Variants in PTPRD observed in about 807,000 individuals in gnomAD.
The protein encoded by PTPRD is protein tyrosine phosphatase receptor type D.
PTPRD carries 34 observed loss-of-function variants against 214.5 expected under a neutral mutation model. The observed-to-expected ratio is 0.16, with a 90% CI of 0.12 to 0.21. The LOEUF is 0.21. Ranked by LOEUF, PTPRD falls within the 10% of genes least tolerant of loss-of-function variation. The probability of loss-of-function intolerance (pLI) is 1.00; values close to 1 mark genes in which losing one functional copy is unlikely to be tolerated. For synonymous variants in PTPRD, 1,128 were observed against 845.7 expected, an observed-to-expected ratio of 1.33 and a Z score of -5.79; for missense variants, 2,545 against 2,398.7, an observed-to-expected ratio of 1.06 and a Z score of -1.27.
intron 7 of PTPRD, among the ~76,000 whole-genome samples, chr9:9,703,585 A>G (rs903289182): frequency 1.2e-4 from 19 of 152,136 alleles, no homozygotes; most frequent in African/African-American, 4.6e-4. Context: ...AGAAACATTG[A>G]TGCATAGCAT....
At chr9:10,350,814 C>A (rs1316840678) in intron 2 of PTPRD, among the ~76,000 whole-genome samples, 1 of 152,122 alleles carries the variant, frequency 6.6e-6, no homozygotes, top group Admixed American at 6.5e-5. Flanking sequence ...AGAATGTGCT[C>A]ACCAAATATT....
chr9:10,523,948 G>A (rs1264150408), intron 2 of PTPRD, among the ~76,000 whole-genome samples: 1 of 151,830 alleles, frequency 6.6e-6, no homozygotes, highest in Non-Finnish European at 1.5e-5. Context: ...TTAAACAACC[G>A]AAATATATTT....
At chr9:10,099,181 G>A (rs1303006992) in intron 3 of PTPRD, among the ~76,000 whole-genome samples, 2 of 151,694 alleles carry the variant, frequency 1.3e-5, no homozygotes, top group Admixed American at 6.6e-5. Context: ...CAGCATAAGT[G>A]TACTTATTAA....
intron 7 of PTPRD, among the ~76,000 whole-genome samples, chr9:9,624,184 T>C (rs1039934131): frequency 1.3e-5 from 2 of 152,204 alleles, no homozygotes; most frequent in African/African-American, 4.8e-5. Flanking sequence ...TACATTGTAT[T>C]ATTTTTTTTA....
intron 5 of PTPRD, among the ~76,000 whole-genome samples, chr9:9,808,541 T>C (rs1416645422): frequency 2.0e-5 from 3 of 152,178 alleles, no homozygotes. Context: ...AGAGAGAGAC[T>C]GCCTGGGAGA....
At chr9:9,182,533 A>G (rs558200077) in intron 10 of PTPRD, among the ~76,000 whole-genome samples, 1 of 152,084 alleles carries the variant, frequency 6.6e-6, no homozygotes, top group Non-Finnish European at 1.5e-5. Context: ...CAACAGATCA[A>G]ATATCTCAGA....
chr9:10,400,797 C>T (rs1047049439), intron 2 of PTPRD, among the ~76,000 whole-genome samples: 3 of 151,518 alleles, frequency 2.0e-5, no homozygotes, highest in African/African-American at 7.3e-5. Context: ...TATTGTCCCT[C>T]ATAACCAATG....
intron 10 of PTPRD, among the ~76,000 whole-genome samples, chr9:9,136,669 T>C (rs1462867603): frequency 1.3e-5 from 2 of 152,208 alleles, no homozygotes; most frequent in Non-Finnish European, 2.9e-5. Flanking sequence ...TTCCATGTAG[T>C]AGTTTAAGAT....
intron 10 of PTPRD, among the ~76,000 whole-genome samples, chr9:9,094,036 A>G (rs2099780010): frequency 6.6e-6 from 1 of 152,184 alleles, no homozygotes; most frequent in Non-Finnish European, 1.5e-5. Context: ...CAACTTTATT[A>G]ACATACATAA....
At chr9:9,056,643 G>A (rs181467578) in intron 10 of PTPRD, among the ~76,000 whole-genome samples, 3 of 152,240 alleles carry the variant, frequency 2.0e-5, no homozygotes, top group East Asian at 1.9e-4. Context: ...TTTCTTACTG[G>A]GCAGTAATGG....
intron 3 of PTPRD, among the ~76,000 whole-genome samples, chr9:10,278,996 G>A (rs574107951): frequency 9.1e-4 from 138 of 152,122 alleles, no homozygotes; most frequent in Middle Eastern, 3.4e-3. Flanking sequence ...GGATGATCTC[G>A]ATCTCCTGGC....
intron 9 of PTPRD, among the ~76,000 whole-genome samples, chr9:9,334,626 C>G (rs372610105): frequency 2.0e-4 from 31 of 151,868 alleles, no homozygotes; most frequent in African/African-American, 6.5e-4. Flanking sequence ...TGTGTTAACT[C>G]CATCTATAAA....
At chr9:9,271,736 T>A (rs924105857) in intron 9 of PTPRD, among the ~76,000 whole-genome samples, 1 of 151,284 alleles carries the variant, frequency 6.6e-6, no homozygotes, top group Non-Finnish European at 1.5e-5. Flanking sequence ...TGTGAAAATG[T>A]TTTTTCTGAG....
intron 5 of PTPRD, among the ~76,000 whole-genome samples, chr9:9,857,243 TC>T (rs1260156033): frequency 6.6e-6 from 1 of 152,198 alleles, no homozygotes; most frequent in South Asian, 2.1e-4. Context: ...TTTTTGTCTT[TC>T]CCCTAATGGT....
chr9:8,386,068 T>G (rs577790372), intron 37 of PTPRD, among the ~76,000 whole-genome samples: 1 of 152,342 alleles, frequency 6.6e-6, no homozygotes, highest in South Asian at 2.1e-4. Flanking sequence ...ACAATACCAT[T>G]TGAGACTCAC....
intron 2 of PTPRD, among the ~76,000 whole-genome samples, chr9:10,364,577 A>G (rs2097476861): frequency 6.6e-6 from 1 of 151,958 alleles, no homozygotes; most frequent in South Asian, 2.1e-4. Flanking sequence ...TGAAATTTTC[A>G]AAGAGTTGAA....
intron 11 of PTPRD, among the ~76,000 whole-genome samples, chr9:9,008,620 G>A (rs2099493446): frequency 6.6e-6 from 1 of 152,106 alleles, no homozygotes; most frequent in Admixed American, 6.6e-5. Flanking sequence ...CTATTATGCT[G>A]CTGACCTTTG....
chr9:9,488,221 T>C (rs1454696940), intron 8 of PTPRD, among the ~76,000 whole-genome samples: 1 of 152,220 alleles, frequency 6.6e-6, no homozygotes, highest in African/African-American at 2.4e-5. Context: ...TTCACAAGCA[T>C]ACTATGAGAC....
chr9:9,021,980 G>C (rs563168049), intron 10 of PTPRD, among the ~76,000 whole-genome samples: 2 of 151,918 alleles, frequency 1.3e-5, no homozygotes, highest in South Asian at 2.1e-4. Context: ...TAGCGGGGTG[G>C]GGGGCAAGGG....
Sources: gnomAD v4.1 joint callset for allele counts (sites outside exome capture counted in the v4.1 genomes callset) on GRCh38, gnomAD v4.1.1 for gene constraint, MANE v1.5 for transcripts, NCBI Gene and HGNC (gene_info 2026-07-23, HGNC 2026-07-21) for gene names.